ZNF728: variants seen among roughly 807,000 people sequenced by gnomAD.
ZNF728 encodes zinc finger protein 728.
ZNF728 carries 12 observed loss-of-function variants against 12.5 expected under a neutral mutation model. The observed-to-expected ratio is 0.96, with a 90% CI of 0.61 to 1.55. The LOEUF is 1.55. ZNF728 is among the 40% of genes most tolerant of loss of function. The probability of loss-of-function intolerance (pLI) is 0.00; values close to 1 mark genes in which losing one functional copy is unlikely to be tolerated. For synonymous variants in ZNF728, 205 were observed against 240.7 expected, an observed-to-expected ratio of 0.85 and a Z score of 1.37; for missense variants, 692 against 719.2, an observed-to-expected ratio of 0.96 and a Z score of 0.43.
intron 1 of ZNF728, among the ~76,000 whole-genome samples, chr19:22,999,462 C>A (rs1969083752): frequency 6.6e-6 from 1 of 152,120 alleles, no homozygotes; most frequent in African/African-American, 2.4e-5. Flanking sequence ...CTGGGGTAAG[C>A]AGGCTGGGAC....
At chr19:22,979,112 T>G (rs532555185) in intron 3 of ZNF728, among the ~76,000 whole-genome samples, 1 of 152,198 alleles carries the variant, frequency 6.6e-6, no homozygotes, top group African/African-American at 2.4e-5. Context: ...GCTAAGAACC[T>G]TGAAAAGAGG....
At chr19:22,985,313 A>G (rs1968904491) in intron 3 of ZNF728, among the ~76,000 whole-genome samples, 1 of 152,242 alleles carries the variant, frequency 6.6e-6, no homozygotes, top group Non-Finnish European at 1.5e-5. Flanking sequence ...AAAGTCTGTC[A>G]GTCATCCATG....
At chr19:22,979,426 GT>G (rs1490223459) in intron 3 of ZNF728, among the ~76,000 whole-genome samples, 2 of 152,138 alleles carry the variant, frequency 1.3e-5, no homozygotes, top group African/African-American at 4.8e-5. Flanking sequence ...ATGGAACCAA[GT>G]TGGAAAACAC....
chr19:22,979,533 C>T (rs1218318038), intron 3 of ZNF728, among the ~76,000 whole-genome samples: 3 of 152,018 alleles, frequency 2.0e-5, no homozygotes, highest in South Asian at 2.1e-4. Flanking sequence ...AGATACTACT[C>T]GAGAAGAGCA....
In ZNF728 at chr19:22,977,020, C is replaced by G; in HGVS notation, c.317G>C (p.Cys106Ser). ...TTTTAACTGTAAATTCTCATGTCCA[C>G]ATTTTTCATATCTTCTCAATATCAC... is the stretch of plus-strand genomic sequence containing the variant. ...QKVILRRYEK[C>S]GHENLQLKIG... Residue 106 changes from cysteine to serine, a missense_variant, in exon 4 of 4, where the codon TGT (cysteine) becomes TCT (serine). By Grantham distance (112) the Cys-to-Ser change is moderately radical. This residue lies in a region of ZNF728 where 440 missense variants were observed against 459.6 expected (regional missense o/e 0.96). Transcript: ENST00000594710. 6.2e-7 allele frequency: 1 copy of G among 1,613,358 alleles called. No homozygotes were observed. The highest frequency in any genetic ancestry group is 8.5e-7 in the Non-Finnish European group (1 of 1,179,714).
intron 1 of ZNF728, 146 bp downstream of exon 1, chr19:23,002,882 G>A (rs1212978319): frequency 3.8e-6 from 4 of 1,063,398 alleles, no homozygotes; most frequent in East Asian, 5.4e-5. Context: ...TGCCTGAAGC[G>A]GACTGAGGTC....
At chr19:22,985,302 G>C (rs1968904444) in intron 3 of ZNF728, among the ~76,000 whole-genome samples, 1 of 152,282 alleles carries the variant, frequency 6.6e-6, no homozygotes, top group Middle Eastern at 3.4e-3. Context: ...CCAACAGCAA[G>C]AAAGTCTGTC....
rs548746777 is a variant in ZNF728, at chr19:22,977,856, A to G, written c.227-746T>C. Reference sequence around the variant, plus strand: ...AATCTCAAAGATTACAATCTATACAAAATAGGGCAATATAATCCCATCAAA... The same window carrying G: ...AATCTCAAAGATTACAATCTATACAGAATAGGGCAATATAATCCCATCAAA... On this transcript the variant is annotated intron_variant, in intron 3 of 3. Transcript: ENST00000594710. 2.0e-5 allele frequency among the ~76,000 whole-genome samples: 3 copies of G among 152,274 alleles called. No individual in the cohort carries two copies. In the South Asian group the frequency reaches 6.2e-4, roughly 32 times the overall value.
intron 1 of ZNF728, among the ~76,000 whole-genome samples, chr19:22,998,608 A>G (rs1183307658): frequency 6.6e-6 from 1 of 152,182 alleles, no homozygotes; most frequent in East Asian, 1.9e-4. Context: ...TCTGAAATTC[A>G]ATAATCTGAT....
chr19:22,976,197 G>T lies in ZNF728; in HGVS notation c.1140C>A (p.Pro380=). Residue 380 remains proline (P), a synonymous_variant, in exon 4 of 4, where the codon CCC becomes CCA. Coordinates refer to ENST00000594710, the MANE Select transcript of ZNF728 (RefSeq NM_001267716.2). The stretch of plus-strand genomic sequence containing the variant: ...TTCTCTTGTGTTCAGTAAGGCTTGA[G>T]GGCCAGCTGAAGGCTTTGCCACATT... ...CEECGKAFSW[P]SSLTEHKRIH... 1.2e-6 allele frequency: 2 copies of T among 1,611,752 alleles called. No individual in the cohort carries two copies. The highest frequency in any genetic ancestry group is 1.7e-6 in the Non-Finnish European group (2 of 1,179,410).
At chr19:22,979,916 T>C (rs1968844023) in intron 3 of ZNF728, among the ~76,000 whole-genome samples, 1 of 152,072 alleles carries the variant, frequency 6.6e-6, no homozygotes, top group Non-Finnish European at 1.5e-5. Context: ...TACCAAATTG[T>C]AAAGACCATC....
chr19:22,986,347 T>A (rs140374796), intron 3 of ZNF728, among the ~76,000 whole-genome samples: 2 of 151,698 alleles, frequency 1.3e-5, no homozygotes, highest in East Asian at 3.9e-4. Flanking sequence ...TGCTTGTAGA[T>A]CATGCAGTGT....
At chr19:22,997,279 A>C (rs1225884597) in intron 1 of ZNF728, among the ~76,000 whole-genome samples, 1 of 152,164 alleles carries the variant, frequency 6.6e-6, no homozygotes, top group African/African-American at 2.4e-5. Flanking sequence ...AGCAAATTCA[A>C]AAATCCCAAA....
intron 1 of ZNF728, chr19:22,995,079 T>C (rs1969034596): frequency 6.6e-6 from 1 of 152,464 alleles, no homozygotes; most frequent in African/African-American, 2.4e-5. Flanking sequence ...AGTTTTTATT[T>C]ATAATGGTGG....
At chr19:22,999,837 A>G (rs1969087693) in intron 1 of ZNF728, among the ~76,000 whole-genome samples, 1 of 152,202 alleles carries the variant, frequency 6.6e-6, no homozygotes, top group Non-Finnish European at 1.5e-5. Flanking sequence ...AAACTCAGAA[A>G]TTGAAATAAC....
intron 1 of ZNF728, among the ~76,000 whole-genome samples, chr19:23,001,419 T>G (rs766078540): frequency 6.6e-6 from 1 of 152,200 alleles, no homozygotes; most frequent in Non-Finnish European, 1.5e-5. Flanking sequence ...ATATCTCAGG[T>G]TGTCTTATGG....
chr19:22,985,224 T>A (rs757776057), intron 3 of ZNF728, among the ~76,000 whole-genome samples: 7 of 152,182 alleles, frequency 4.6e-5, no homozygotes, highest in Non-Finnish European at 8.8e-5. Flanking sequence ...ATATGAGATA[T>A]ATAGCTATAA....
At chr19:22,993,229 G>A (rs982350073) in intron 1 of ZNF728, among the ~76,000 whole-genome samples, 10 of 152,210 alleles carry the variant, frequency 6.6e-5, no homozygotes, top group Admixed American at 6.5e-5. Flanking sequence ...AATTTAAAAT[G>A]TCTATGTTGA....
intron 1 of ZNF728, among the ~76,000 whole-genome samples, chr19:22,989,744 A>G (rs2145345201): frequency 6.6e-6 from 1 of 152,330 alleles, no homozygotes; most frequent in African/African-American, 2.4e-5. Flanking sequence ...TTTAATAGTG[A>G]TTTTAAATAG....
Sources: gnomAD v4.1 joint callset for allele counts (sites outside exome capture counted in the v4.1 genomes callset) on GRCh38, gnomAD v4.1.1 for gene constraint, gnomAD v4.1.1 regional missense constraint, MANE v1.5 for transcripts, NCBI Gene and HGNC (gene_info 2026-07-23, HGNC 2026-07-21) for gene names.